BEND4: variants seen among roughly 807,000 people sequenced by gnomAD.
BEND4 encodes the protein BEN domain containing 4, also known as BEN domain-containing protein 4.
BEND4 carries 27 observed loss-of-function variants against 54.7 expected under a neutral mutation model. The ratio of observed to expected loss-of-function variants is 0.49; its 90% confidence interval spans 0.36 to 0.68. BEND4 has a LOEUF of 0.68. Ranked by LOEUF, BEND4 falls within the 30% of genes least tolerant of loss-of-function variation. The pLI is 0.00. For missense variants in BEND4, 702 were observed against 697.2 expected (o/e 1.01, Z -0.08); for synonymous variants, 327 against 299.5 (o/e 1.09, Z -0.95).
intron 3 of BEND4, among the ~76,000 whole-genome samples, chr4:42,139,652 C>G (rs1029998602): frequency 2.0e-5 from 3 of 151,978 alleles, no homozygotes; most frequent in Non-Finnish European, 2.9e-5. Context: ...CCGAGGAACG[C>G]TACCTGGGCT....
chr4:42,139,847 C>T (rs1037302699), intron 3 of BEND4, among the ~76,000 whole-genome samples: 1 of 152,188 alleles, frequency 6.6e-6, no homozygotes, highest in Non-Finnish European at 1.5e-5. Context: ...GCCTCTAGAA[C>T]GATGGGGTCC....
In BEND4 at chr4:42,143,806, A is replaced by G. The variant is rs758679271; in HGVS notation, c.676T>C (p.Ser226Pro). The part of the protein sequence containing the change: ...HIGKGVHSQT[S>P]DNVDIEMQYM... ...TGCATCTCTATGTCTACATTGTCTG[A>G]GGTCTGACTGTGGACCCCTTTCCCA... Residue 226 changes from serine (S) to proline (P), a missense_variant, in exon 3 of 6, where the codon TCA becomes CCA. Coordinates refer to ENST00000502486, the MANE Select transcript of BEND4 (RefSeq NM_207406.4). 6.2e-7 allele frequency: 1 copy of G among 1,603,102 alleles called. No homozygotes were observed. Among genetic ancestry groups the G allele is most frequent in the Non-Finnish European group, 8.5e-7 (1 of 1,174,568 alleles).
rs1275250755 is a variant in BEND4, at chr4:42,113,413, C to A, written c.*4105G>T. On this transcript the variant is annotated 3_prime_UTR_variant, in exon 6 of 6. Coordinates refer to ENST00000502486, the MANE Select transcript of BEND4 (RefSeq NM_207406.4). ...TTGAAGGATGGAATCTAAATGAGGA[C>A]AATGGATGTTTGCTTTTCTGAACAT... 6.6e-6 allele frequency: 1 copy of A among 152,130 alleles called. No homozygotes were observed. The highest frequency in any genetic ancestry group is 1.5e-5 in the Non-Finnish European group (1 of 68,028). 9.4% of individuals were successfully genotyped at this position (152,130 alleles called of 1,614,324 possible).
chr4:42,139,408 C>T (rs1426378671), intron 3 of BEND4, among the ~76,000 whole-genome samples: 1 of 151,918 alleles, frequency 6.6e-6, no homozygotes, highest in Non-Finnish European at 1.5e-5. Context: ...CGTAACACTG[C>T]CCCTCTCAGA....
chr4:42,145,689 CAA>C (rs5857833), intron 2 of BEND4, among the ~76,000 whole-genome samples: 56 of 104,818 alleles, frequency 5.3e-4, no homozygotes, highest in South Asian at 1.3e-3. Context: ...GACTCCATCT[CAA>C]AAAAAAAAAA....
chr4:42,127,272 G>C (rs1720323405), intron 3 of BEND4, among the ~76,000 whole-genome samples: 1 of 152,178 alleles, frequency 6.6e-6, no homozygotes, highest in Non-Finnish European at 1.5e-5. Flanking sequence ...TTCTTAAATA[G>C]TCATCATTCT....
At chr4:42,121,672 G>A (rs1193692425) in intron 4 of BEND4, among the ~76,000 whole-genome samples, 1 of 152,162 alleles carries the variant, frequency 6.6e-6, no homozygotes, top group African/African-American at 2.4e-5. Flanking sequence ...AGATGGGCAG[G>A]GGCCCAGAGC....
intron 4 of BEND4, among the ~76,000 whole-genome samples, chr4:42,121,923 G>A (rs1720080441): frequency 1.3e-5 from 2 of 152,128 alleles, no homozygotes; most frequent in African/African-American, 4.8e-5. Context: ...TGGGAGGAAA[G>A]CAGCAGGAGG....
chr4:42,125,129 G>C (rs1283459226), intron 4 of BEND4, among the ~76,000 whole-genome samples: 1 of 152,166 alleles, frequency 6.6e-6, no homozygotes, highest in African/African-American at 2.4e-5. Flanking sequence ...GAGAGACTGT[G>C]GTTTCTTCCA....
At position 42,141,404 on chromosome 4, in the gene BEND4, G is replaced by C. The variant is rs6844134; in HGVS notation, c.1054+2024C>G. Among the ~76,000 whole-genome samples the C allele has an allele frequency of 5.0e-3, 761 of 152,282 alleles. 3 individuals are homozygous for C. The highest frequency in any genetic ancestry group is 0.017 in the African/African-American group (718 of 41,566). ...TTCTTTCTAGATCAGCTGCCAAATT[G>C]AGTGATACAAAGATACTGTACTAGG... On this transcript the variant is annotated intron_variant, in intron 3 of 5. Transcript: ENST00000502486.
At chr4:42,150,444 CT>C (rs1213899877) in intron 2 of BEND4, among the ~76,000 whole-genome samples, 7 of 152,184 alleles carry the variant, frequency 4.6e-5, no homozygotes, top group Non-Finnish European at 1.5e-5. Context: ...AAAACCAATC[CT>C]TCATGTGTCA....
chr4:42,120,018 TCA>T (rs1189573744), intron 5 of BEND4, 34 bp downstream of exon 5: 1 of 1,613,406 alleles, frequency 6.2e-7, no homozygotes. Flanking sequence ...TGAAATGAGA[TCA>T]CAGATGGTGA....
intron 4 of BEND4, among the ~76,000 whole-genome samples, chr4:42,121,035 C>T (rs768033219): frequency 1.3e-5 from 2 of 152,120 alleles, no homozygotes; most frequent in Non-Finnish European, 2.9e-5. Flanking sequence ...ATCAATTGCA[C>T]CTACACAACC....
intron 3 of BEND4, among the ~76,000 whole-genome samples, chr4:42,142,967 A>AT (rs1323640727): frequency 6.6e-6 from 1 of 152,212 alleles, no homozygotes; most frequent in Non-Finnish European, 1.5e-5. Flanking sequence ...CTCTCAAAGT[A>AT]TTTCACTTTA....
At chr4:42,140,035 G>A (rs569367529) in intron 3 of BEND4, among the ~76,000 whole-genome samples, 25 of 152,286 alleles carry the variant, frequency 1.6e-4, no homozygotes, top group African/African-American at 4.8e-4. Flanking sequence ...TGGATTCTTG[G>A]GTGTCACTCA....
chr4:42,112,300 A>G lies in BEND4; in HGVS notation c.*5218T>C, dbSNP rs967572432. 10 of 152,360 alleles carry G rather than the reference A, an allele frequency of 6.6e-5. No individual in the cohort carries two copies. Among genetic ancestry groups the G allele is most frequent in the Non-Finnish European group, 1.3e-4 (9 of 68,034 alleles). The allele number at this position is 152,360 out of a possible 1,614,324, so 9.4% of individuals were successfully genotyped here. A position where few individuals can be genotyped will look rare whatever the true frequency, so the allele number is the denominator to read the frequency against. On this transcript the variant is annotated 3_prime_UTR_variant, in exon 6 of 6. Coordinates refer to ENST00000502486, the MANE Select transcript of BEND4 (RefSeq NM_207406.4). ...GTGAGGATTAAAATGAGAATGCATTAAAGTACTTATCCAAGTAACTGTCAC... is the reference window on the plus strand; with the variant it reads ...GTGAGGATTAAAATGAGAATGCATTGAAGTACTTATCCAAGTAACTGTCAC...
At position 42,143,433 on chromosome 4, in the gene BEND4, A is replaced by T; in HGVS notation, c.1049T>A (p.Ile350Asn). Residue 350 changes from isoleucine to asparagine, a missense_variant, in exon 3 of 6, where the codon ATC becomes AAC. Coordinates refer to ENST00000502486, the MANE Select transcript of BEND4 (RefSeq NM_207406.4). The stretch of plus-strand genomic sequence containing the variant: ...CAAGGAATATGGCAGGATACCTGGG[A>T]TGCTCTCTAATTTCCTTCTGAGCTC... ...NEELRRKLES[I>N]PVPCQTVLDY... The T allele has an allele frequency of 6.4e-7, 1 of 1,551,272 alleles. No individual in the cohort carries two copies. Among genetic ancestry groups the T allele is most frequent in the Admixed American group, 2.0e-5 (1 of 51,010 alleles).
At position 42,151,961 on chromosome 4, in the gene BEND4, G is replaced by A; in HGVS notation, c.183C>T (p.Pro61=). The A allele has an allele frequency of 8.0e-7, 1 of 1,247,282 alleles. No homozygotes were observed. The highest frequency in any genetic ancestry group is 3.2e-5 in the East Asian group (1 of 31,430). The allele number at this position is 1,247,282 out of a possible 1,614,324, so 77.3% of individuals were successfully genotyped here. A position where few individuals can be genotyped will look rare whatever the true frequency, so the allele number is the denominator to read the frequency against. ...HVRAPPPPPP[P]FAPHAAVSIS... ...TGGAGACGGCGGCGTGCGGCGCGAA[G>A]GGCGGCGGGGGCGGCGGGGGCGCCC... Residue 61 remains proline, a synonymous_variant, in exon 2 of 6, where the codon CCC becomes CCT. Transcript: ENST00000502486.
In BEND4 at chr4:42,117,594, A is replaced by G; in HGVS notation, c.1529T>C (p.Phe510Ser). The change falls in exon 6 of 6, where the codon TTT becomes TCT. Residue 510 changes from phenylalanine (F) to serine (S), a missense_variant. Physicochemically the swap from Phe to Ser is radical, Grantham distance 155. Transcript: ENST00000502486. ...VGTFLHNGGS[F>S]YEGIDHQASQ... ...AGCCTGGTGATCGATCCCTTCATAAAATGAGCCACCGTTGTGCAGGAAAGT... is the reference window on the plus strand; with the variant it reads ...AGCCTGGTGATCGATCCCTTCATAAGATGAGCCACCGTTGTGCAGGAAAGT... 1 of 1,613,386 alleles carries G rather than the reference A, an allele frequency of 6.2e-7. No homozygotes were observed. The highest frequency in any genetic ancestry group is 1.3e-5 in the African/African-American group (1 of 75,032).
Sources: gnomAD v4.1 joint callset for allele counts (sites outside exome capture counted in the v4.1 genomes callset) on GRCh38, gnomAD v4.1.1 for gene constraint, MANE v1.5 for transcripts, NCBI Gene and HGNC (gene_info 2026-07-23, HGNC 2026-07-21) for gene names.